Variants in GPHN observed in about 807,000 individuals in gnomAD.
The protein encoded by GPHN is gephyrin.
A neutral mutation model predicts 95.5 loss-of-function variants in GPHN; 17 were observed. The observed-to-expected ratio is 0.18, with a 90% CI of 0.12 to 0.27. The LOEUF (loss-of-function observed/expected upper bound fraction) is 0.27. Among genes scored for constraint, GPHN ranks in the 10% least tolerant of loss-of-function variants. GPHN has a pLI of 1.00. For missense variants in GPHN, 660 were observed against 978.1 expected (o/e 0.67, Z 4.34); for synonymous variants, 320 against 322.5 (o/e 0.99, Z 0.08).
intron 1 of GPHN, among the ~76,000 whole-genome samples, chr14:66,617,938 AAG>A (rs574705998): frequency 1.3e-5 from 2 of 152,156 alleles, no homozygotes; most frequent in Non-Finnish European, 2.9e-5. Context: ...GTGATTATGA[AAG>A]AGATTATCTT....
chr14:67,483,850 C>T, the GPHN span, among the ~76,000 whole-genome samples: 3 of 152,184 alleles, frequency 2.0e-5, no homozygotes, highest in East Asian at 1.9e-4. Context: ...TCAGGAGGAG[C>T]GGTCCGAACA....
chr14:66,707,124 C>T (rs1321959377), intron 2 of GPHN, among the ~76,000 whole-genome samples: 3 of 150,636 alleles, frequency 2.0e-5, no homozygotes, highest in South Asian at 2.1e-4. Context: ...TACCATCTCA[C>T]GCCAGTCAGA....
chr14:67,569,583 G>A, the GPHN span, among the ~76,000 whole-genome samples: 1 of 151,388 alleles, frequency 6.6e-6, no homozygotes, highest in African/African-American at 2.4e-5. Context: ...TCTCCAGCCA[G>A]CCACCAAATC....
At chr14:67,670,682 C>T in the GPHN span, among the ~76,000 whole-genome samples, 1 of 152,112 alleles carries the variant, frequency 6.6e-6, no homozygotes, top group Non-Finnish European at 1.5e-5. Flanking sequence ...GCACATGCCA[C>T]CACACCCAGC....
At chr14:66,992,697 T>C (rs944730348) in intron 9 of GPHN, among the ~76,000 whole-genome samples, 1 of 152,178 alleles carries the variant, frequency 6.6e-6, no homozygotes, top group Non-Finnish European at 1.5e-5. Flanking sequence ...ATTGAGTTAA[T>C]GCGATAACTC....
At chr14:66,728,932 T>A (rs2153432595) in intron 2 of GPHN, among the ~76,000 whole-genome samples, 1 of 152,304 alleles carries the variant, frequency 6.6e-6, no homozygotes, top group East Asian at 1.9e-4. Context: ...CATCTTGAAT[T>A]TTAACTCCCT....
At chr14:67,237,122 A>G in the GPHN span, among the ~76,000 whole-genome samples, 2 of 151,744 alleles carry the variant, frequency 1.3e-5, no homozygotes, top group Admixed American at 6.6e-5. Context: ...ATATATATTT[A>G]TTTACTAGAA....
At chr14:66,937,276 TTACAGGCATGAGCCACA>T (rs2067178602) in intron 8 of GPHN, among the ~76,000 whole-genome samples, 1 of 152,178 alleles carries the variant, frequency 6.6e-6, no homozygotes, top group Non-Finnish European at 1.5e-5. Context: ...AGTGTTAGCA[TTACAGGCATGAGCCACA>T]GAGCCTGGCC....
intron 1 of GPHN, among the ~76,000 whole-genome samples, chr14:66,621,289 G>A (rs142674677): frequency 1.6e-3 from 194 of 124,230 alleles, no homozygotes; most frequent in African/African-American, 5.6e-3. Context: ...TTTTTTTTTC[G>A]TATTTGTAGT....
At chr14:66,688,009 A>G (rs66714126) in intron 2 of GPHN, among the ~76,000 whole-genome samples, 47,305 of 152,070 alleles carry the variant, frequency 0.31, 11,185 homozygotes, top group African/African-American at 0.64. Context: ...CTTGCCAAAA[A>G]CTTAATTACT....
At chr14:67,044,856 GTCTC>G (rs1220292500) in intron 10 of GPHN, among the ~76,000 whole-genome samples, 1 of 150,232 alleles carries the variant, frequency 6.7e-6, no homozygotes, top group African/African-American at 2.5e-5. Flanking sequence ...GTCTGTCTCT[GTCTC>G]TCTCTCTCTG....
the GPHN span, among the ~76,000 whole-genome samples, chr14:67,658,786 C>T: frequency 1.3e-5 from 2 of 152,148 alleles, no homozygotes; most frequent in African/African-American, 2.4e-5. Context: ...GATAATCCCT[C>T]GCGCATCCAT....
At chr14:67,458,120 T>C in the GPHN span, among the ~76,000 whole-genome samples, 2 of 152,142 alleles carry the variant, frequency 1.3e-5, no homozygotes, top group African/African-American at 2.4e-5. Context: ...GAGCTGAGCC[T>C]TTTCCTCGCT....
At chr14:67,425,758 G>T in the GPHN span, among the ~76,000 whole-genome samples, 1 of 152,070 alleles carries the variant, frequency 6.6e-6, no homozygotes, top group Non-Finnish European at 1.5e-5. Flanking sequence ...CTGATGGACA[G>T]GAGCTGGAAT....
chr14:66,605,051 G>A (rs895010456), intron 1 of GPHN, among the ~76,000 whole-genome samples: 4 of 152,054 alleles, frequency 2.6e-5, no homozygotes, highest in South Asian at 2.1e-4. Context: ...TTATGGCTGC[G>A]TAGTATTCCA....
At chr14:67,200,762 T>A in the GPHN span, among the ~76,000 whole-genome samples, 1 of 152,212 alleles carries the variant, frequency 6.6e-6, no homozygotes, top group East Asian at 1.9e-4. Flanking sequence ...CTACTAATAA[T>A]GTTTTCATTT....
the GPHN span, chr14:67,336,869 C>T: frequency 4.7e-6 from 2 of 427,940 alleles, no homozygotes; most frequent in Non-Finnish European, 9.4e-6. Flanking sequence ...AACCAGATTT[C>T]CTAAATATCA....
intron 4 of GPHN, among the ~76,000 whole-genome samples, chr14:66,842,505 G>T (rs2062140757): frequency 1.3e-5 from 2 of 152,192 alleles, no homozygotes; most frequent in Admixed American, 6.5e-5. Context: ...GAATGATGGG[G>T]TGAGGGCTGC....
chr14:67,363,797 C>T, the GPHN span, among the ~76,000 whole-genome samples: 1 of 152,256 alleles, frequency 6.6e-6, no homozygotes, highest in South Asian at 2.1e-4. Flanking sequence ...TATGAATTTT[C>T]ACAAGGTTTT....
Sources: gnomAD v4.1 joint callset for allele counts (sites outside exome capture counted in the v4.1 genomes callset) on GRCh38, gnomAD v4.1.1 for gene constraint, MANE v1.5 for transcripts, NCBI Gene and HGNC (gene_info 2026-07-23, HGNC 2026-07-21) for gene names.